The following KCNK9 variants were observed in gnomAD, a reference collection of about 807,000 sequenced individuals.
KCNK9 encodes the protein potassium two pore domain channel subfamily K member 9, also known as potassium channel subfamily K member 9.
A neutral mutation model predicts 10.8 loss-of-function variants in KCNK9; 1 was observed. The observed-to-expected ratio is 0.09, with a 90% CI of 0.03 to 0.44. The LOEUF (loss-of-function observed/expected upper bound fraction) is 0.44. KCNK9 is among the 20% of genes least tolerant of loss of function. KCNK9 has a pLI of 0.97. For missense variants in KCNK9, 303 were observed against 515.0 expected (o/e 0.59, Z 3.98); for synonymous variants, 231 against 222.7 (o/e 1.04, Z -0.33).
At chr8:139,663,648 CGTGTGTGTGTGTGTGT>C (rs34660685) in intron 1 of KCNK9, among the ~76,000 whole-genome samples, 4 of 137,506 alleles carry the variant, frequency 2.9e-5, no homozygotes, top group Non-Finnish European at 4.7e-5. Flanking sequence ...CGCGTGCGCA[CGTGTGTGTGTGTGTGT>C]GTGTGTGTGT....
chr8:139,616,480 A>G (rs578162725), downstream of KCNK9: 6 of 152,236 alleles, frequency 3.9e-5, no homozygotes, highest in Admixed American at 6.5e-5. Context: ...GGAAATTTCA[A>G]CATGGGATGT....
intron 1 of KCNK9, among the ~76,000 whole-genome samples, chr8:139,646,224 T>G (rs2260428): frequency 3.3e-5 from 5 of 152,334 alleles, no homozygotes; most frequent in Non-Finnish European, 7.3e-5. Flanking sequence ...ACTGTGGGCA[T>G]CACCCTTCTT....
chr8:139,643,944 C>T (rs1341581625), intron 1 of KCNK9, among the ~76,000 whole-genome samples: 1 of 152,204 alleles, frequency 6.6e-6, no homozygotes, highest in African/African-American at 2.4e-5. Flanking sequence ...GCTCTCTGGT[C>T]CCGGGGTGGT....
intron 1 of KCNK9, among the ~76,000 whole-genome samples, chr8:139,637,458 GGAA>G (rs1477969196): frequency 1.5e-4 from 23 of 152,240 alleles, no homozygotes; most frequent in Non-Finnish European, 2.9e-4. Context: ...AATAAAAAGA[GGAA>G]GAAGAGAATC....
At chr8:139,651,403 G>A (rs1176065183) in intron 1 of KCNK9, among the ~76,000 whole-genome samples, 1 of 152,178 alleles carries the variant, frequency 6.6e-6, no homozygotes, top group Non-Finnish European at 1.5e-5. Context: ...GGCCACCTGT[G>A]GCTCCCCACC....
chr8:139,663,644 C>T (rs1003337494), intron 1 of KCNK9, among the ~76,000 whole-genome samples: 11 of 78,516 alleles, frequency 1.4e-4, no homozygotes, highest in East Asian at 1.2e-3. Context: ...GACGCGCGTG[C>T]GCACGTGTGT....
At chr8:139,701,394 G>A (rs1263508183) in intron 1 of KCNK9, among the ~76,000 whole-genome samples, 1 of 152,202 alleles carries the variant, frequency 6.6e-6, no homozygotes, top group African/African-American at 2.4e-5. Context: ...AAGACAGGCC[G>A]TCCTGTGCTG....
At chr8:139,700,345 G>A (rs1438518703) in intron 1 of KCNK9, among the ~76,000 whole-genome samples, 2 of 152,218 alleles carry the variant, frequency 1.3e-5, no homozygotes, top group Admixed American at 1.3e-4. Context: ...GAGGTCAGGA[G>A]TTGGGAAATG....
chr8:139,658,248 C>G (rs1816068190), intron 1 of KCNK9, among the ~76,000 whole-genome samples: 2 of 152,180 alleles, frequency 1.3e-5, no homozygotes, highest in South Asian at 4.1e-4. Flanking sequence ...CTGAGAGGAG[C>G]CCAGTGAGCA....
intron 1 of KCNK9, among the ~76,000 whole-genome samples, chr8:139,646,063 A>G (rs1007435836): frequency 7.2e-5 from 11 of 151,914 alleles, no homozygotes; most frequent in African/African-American, 2.7e-4. Context: ...CCCTCACCCC[A>G]TGACCAGTGG....
intron 2 of KCNK9, among the ~76,000 whole-genome samples, chr8:139,605,809 G>A (rs1176040621): frequency 6.6e-6 from 1 of 152,184 alleles, no homozygotes; most frequent in African/African-American, 2.4e-5. Context: ...TACATGGGCT[G>A]GATGTCTACT....
chr8:139,640,883 C>T (rs574201624), intron 1 of KCNK9, among the ~76,000 whole-genome samples: 7 of 152,354 alleles, frequency 4.6e-5, no homozygotes, highest in Non-Finnish European at 8.8e-5. Context: ...CACCGTCACT[C>T]GGAGCTCACT....
At chr8:139,649,589 T>C (rs900467489) in intron 1 of KCNK9, among the ~76,000 whole-genome samples, 2 of 152,154 alleles carry the variant, frequency 1.3e-5, no homozygotes, top group African/African-American at 2.4e-5. Flanking sequence ...CTCCCACTCC[T>C]GGGCCCTTCC....
chr8:139,670,196 C>A (rs1190356677), intron 1 of KCNK9, among the ~76,000 whole-genome samples: 3 of 152,126 alleles, frequency 2.0e-5, no homozygotes, highest in African/African-American at 7.2e-5. Context: ...ATTAAGTGTG[C>A]CCTCTTGTAC....
chr8:139,612,078 C>G (rs1033170448), downstream of KCNK9: 4 of 152,200 alleles, frequency 2.6e-5, no homozygotes, highest in Admixed American at 2.6e-4. Flanking sequence ...CAGCAGGGAG[C>G]AAAAGGGTCA....
downstream of KCNK9, among the ~76,000 whole-genome samples, chr8:139,610,475 C>T (rs1315117812): frequency 1.3e-5 from 2 of 152,154 alleles, no homozygotes; most frequent in East Asian, 1.9e-4. Context: ...TTTGGTAAAA[C>T]CAGCAGAAGA....
chr8:139,655,992 C>T (rs1161946638), intron 1 of KCNK9, among the ~76,000 whole-genome samples: 1 of 152,174 alleles, frequency 6.6e-6, no homozygotes, highest in Non-Finnish European at 1.5e-5. Flanking sequence ...AAGTTTAAAT[C>T]AGACAGAGGC....
At position 139,617,918 on chromosome 8, in the gene KCNK9, C is replaced by T. The variant is rs907152099; in HGVS notation, c.*340G>A. 2.9e-6 allele frequency: 1 copy of T among 350,580 alleles called. No individual in the cohort carries two copies. The highest frequency in any genetic ancestry group is 2.6e-5 in the South Asian group (1 of 39,120). 21.7% of individuals were successfully genotyped at this position (350,580 alleles called of 1,614,324 possible). A position where few individuals can be genotyped will look rare whatever the true frequency, so the allele number is the denominator to read the frequency against. On this transcript the variant is annotated 3_prime_UTR_variant, in exon 2 of 2. Transcript: ENST00000520439. ...ATCCTCTCAGCTCTGTCTCCGTGGT[C>T]TTGGTCTCACATCTGTCCCGGGAAA...
At chr8:139,636,294 C>A (rs753598117) in intron 1 of KCNK9, among the ~76,000 whole-genome samples, 11 of 152,248 alleles carry the variant, frequency 7.2e-5, no homozygotes, top group Non-Finnish European at 1.5e-5. Flanking sequence ...CAAGTGGTGA[C>A]ACTGAGATGC....
Sources: allele counts gnomAD v4.1 joint callset (sites outside exome capture counted in the v4.1 genomes callset), GRCh38; gene constraint gnomAD v4.1.1; transcripts MANE v1.5; gene names NCBI Gene and HGNC (gene_info 2026-07-23, HGNC 2026-07-21).